HDLBP: variants seen among roughly 807,000 people sequenced by gnomAD.
HDLBP encodes the protein high density lipoprotein binding protein.
Under a neutral mutation model 137.3 loss-of-function variants are expected in HDLBP, and 30 were observed. That is an observed-to-expected ratio of 0.22 (90% CI 0.16 to 0.30). The LOEUF is 0.30. Ranked by LOEUF, HDLBP falls within the 10% of genes least tolerant of loss-of-function variation. HDLBP has a pLI of 1.00. For synonymous variants in HDLBP, 606 were observed against 596.0 expected, an observed-to-expected ratio of 1.02 and a Z score of -0.24; for missense variants, 1,119 against 1,667.3, an observed-to-expected ratio of 0.67 and a Z score of 5.73.
chr2:241,297,997 G>A (rs541259115), intron 1 of HDLBP, among the ~76,000 whole-genome samples: 7 of 135,258 alleles, frequency 5.2e-5, no homozygotes, highest in Admixed American at 2.5e-4. Flanking sequence ...GCAGTGAGCC[G>A]AGAGCTCGCT....
chr2:241,297,476 T>TA (rs1167953276), intron 1 of HDLBP, among the ~76,000 whole-genome samples: 1 of 152,110 alleles, frequency 6.6e-6, no homozygotes, highest in Non-Finnish European at 1.5e-5. Flanking sequence ...ATGGAGATAT[T>TA]AAAAAATGAG....
At chr2:241,270,552 C>T (rs1216640662) in intron 1 of HDLBP, among the ~76,000 whole-genome samples, 1 of 152,178 alleles carries the variant, frequency 6.6e-6, no homozygotes, top group African/African-American at 2.4e-5. Context: ...AGACCCTGTC[C>T]CCACCTGAAA....
intron 14 of HDLBP, chr2:241,247,401 A>T (rs1175010211): frequency 2.0e-6 from 1 of 490,540 alleles, no homozygotes; most frequent in Non-Finnish European, 3.7e-6. Context: ...AGAGCTGGTT[A>T]AGGAAGGGGC....
At chr2:241,248,967 C>A (rs748489950) in intron 12 of HDLBP, among the ~76,000 whole-genome samples, 2 of 152,078 alleles carry the variant, frequency 1.3e-5, no homozygotes, top group African/African-American at 4.8e-5. Flanking sequence ...CTGGATCAAA[C>A]GGCTATTGGC....
chr2:241,232,328 T>A (rs2069866047), intron 24 of HDLBP, among the ~76,000 whole-genome samples: 1 of 150,600 alleles, frequency 6.6e-6, no homozygotes, highest in African/African-American at 2.4e-5. Context: ...CAGGCTGGAG[T>A]GCAATGGCAT....
intron 1 of HDLBP, among the ~76,000 whole-genome samples, chr2:241,270,259 T>A (rs566054686): frequency 1.3e-5 from 2 of 152,114 alleles, no homozygotes; most frequent in African/African-American, 2.4e-5. Flanking sequence ...GAGCCTCTCA[T>A]GTTCCTCAGG....
chr2:241,269,903 T>G (rs894801546), intron 1 of HDLBP, among the ~76,000 whole-genome samples: 1 of 152,060 alleles, frequency 6.6e-6, no homozygotes, highest in Non-Finnish European at 1.5e-5. Context: ...CACGCTTGCT[T>G]GCTGACTCTC....
Position 241,230,684 on chromosome 2 carries a change from C to T in HDLBP, c.3474+75G>A. 1 of 1,303,288 alleles carries T rather than the reference C, an allele frequency of 7.7e-7. No homozygotes were observed. The highest frequency in any genetic ancestry group is 1.9e-5 in the Admixed American group (1 of 53,534). The allele number at this position is 1,303,288 out of a possible 1,614,324, so 80.7% of individuals were successfully genotyped here. On this transcript the variant is annotated intron_variant, in intron 25 of 27. Transcript: ENST00000310931. This position sits in a 1 kb window ranked among gnomAD's most constrained non-coding sequence, Gnocchi z 5.0. ...ATCATCTTGAGGGGAAGGCCATGCC[C>T]TGCTCTTTCTTCTGGCCAGCCAGGT...
At chr2:241,308,483 G>A (rs2075654046) in intron 1 of HDLBP, among the ~76,000 whole-genome samples, 2 of 152,224 alleles carry the variant, frequency 1.3e-5, no homozygotes, top group Admixed American at 1.3e-4. Flanking sequence ...GACAACGTAA[G>A]CTGATGACCT....
At chr2:241,299,984 T>TG (rs1163402285) in intron 1 of HDLBP, among the ~76,000 whole-genome samples, 1 of 152,210 alleles carries the variant, frequency 6.6e-6, no homozygotes, top group Non-Finnish European at 1.5e-5. Context: ...GAATGCACAT[T>TG]GCACCCAAAC....
intron 1 of HDLBP, among the ~76,000 whole-genome samples, chr2:241,299,566 C>T (rs191057621): frequency 3.2e-3 from 370 of 114,870 alleles, no homozygotes; most frequent in Middle Eastern, 5.4e-3. Flanking sequence ...TGGAAATAAA[C>T]ATCAATATAG....
intron 12 of HDLBP, chr2:241,249,274 C>A: frequency 4.3e-6 from 2 of 469,444 alleles, no homozygotes; most frequent in Non-Finnish European, 8.8e-6. Context: ...GGCCAAAGTG[C>A]TGCTGCAGGC....
rs181870672 is a variant in HDLBP at position 241,255,590 on chromosome 2, A to G, written c.874-10T>C. On this transcript the variant is annotated splice_polypyrimidine_tract_variant and intron_variant, in intron 7 of 27. Coordinates refer to ENST00000310931, the MANE Select transcript of HDLBP (RefSeq NM_005336.6). Reference sequence around the variant, plus strand: ...TTGTAGTCTTCTTTTTCTAAATAAGAGCACCATAAGGGGCAGTCAAAGGGA... The same window carrying G: ...TTGTAGTCTTCTTTTTCTAAATAAGGGCACCATAAGGGGCAGTCAAAGGGA... 3 of 1,608,310 alleles carry G rather than the reference A, an allele frequency of 1.9e-6. No homozygotes were observed. The Admixed American group carries it at 5.0e-5, about 27-fold the overall frequency.
In HDLBP at chr2:241,235,145, C is replaced by T; in HGVS notation, c.3120G>A (p.Glu1040=). The change falls in exon 23 of 28, where the codon GAG becomes GAA. Residue 1040 remains glutamate (E), a synonymous_variant. Coordinates refer to ENST00000310931, the MANE Select transcript of HDLBP (RefSeq NM_005336.6). ...CCCGGTCCTCCTGCTCGGCCTGTAG[C>T]TCCTTCACACGCTCCAGCAGTCCAG... ...AKAGLLERVK[E]LQAEQEDRAL... is the part of the protein sequence containing the mutation. The T allele has an allele frequency of 1.2e-6, 2 of 1,613,884 alleles. No homozygotes were observed. The highest frequency in any genetic ancestry group is 1.7e-6 in the Non-Finnish European group (2 of 1,179,990).
chr2:241,246,839 A>G lies in HDLBP; in HGVS notation c.1863T>C (p.Asn621=), dbSNP rs770193034. The change falls in exon 16 of 28, where the codon AAT becomes AAC. Residue 621 remains asparagine, a synonymous_variant. Transcript: ENST00000310931. ...SNTKIDLPAE[N]SNSETIIITG... ...TGATGATAATGGTCTCTGAATTGCT[A>G]TTCTCTGCTGGAAGGTCGATTTTGG... The G allele has an allele frequency of 4.3e-6, 7 of 1,614,140 alleles. No individual in the cohort carries two copies. In the Admixed American group the frequency reaches 8.3e-5, roughly 19 times the overall value.
At chr2:241,277,439 G>GA (rs1291817263) in intron 1 of HDLBP, among the ~76,000 whole-genome samples, 1 of 152,056 alleles carries the variant, frequency 6.6e-6, no homozygotes, top group Non-Finnish European at 1.5e-5. Flanking sequence ...AATGATTCCT[G>GA]AAAAAAGGAC....
rs936052438 is a variant in HDLBP at position 241,230,715 on chromosome 2, C to A, written c.3474+44G>T. 6.4e-7 allele frequency: 1 copy of A among 1,561,338 alleles called. No homozygotes were observed. The highest frequency in any genetic ancestry group is 1.4e-5 in the African/African-American group (1 of 73,924). On this transcript the variant is annotated intron_variant, in intron 25 of 27. Coordinates refer to ENST00000310931, the MANE Select transcript of HDLBP (RefSeq NM_005336.6). The surrounding 1 kb of genome is among the most constrained non-coding windows in gnomAD (Gnocchi z 5.0). ...TTTCTTCTGGCCAGCCAGGTGCCCC[C>A]GGTGAGAGAGGATTCTCACCCACTG...
intron 24 of HDLBP, chr2:241,231,283 C>A: frequency 5.5e-6 from 1 of 181,404 alleles, no homozygotes; most frequent in African/African-American, 2.4e-5. Context: ...ACTCCCGGGG[C>A]TGAGGCACGA....
chr2:241,232,225 C>T (rs115369318), intron 24 of HDLBP, among the ~76,000 whole-genome samples: 2,041 of 152,246 alleles, frequency 0.013, 27 homozygotes, highest in African/African-American at 0.034. Context: ...TGCTCCACCC[C>T]ACTTGGCTCA....
Sources: allele counts gnomAD v4.1 joint callset (sites outside exome capture counted in the v4.1 genomes callset), GRCh38; gene constraint gnomAD v4.1.1; non-coding constraint Gnocchi (gnomAD v3.1); transcripts MANE v1.5; gene names NCBI Gene and HGNC (gene_info 2026-07-23, HGNC 2026-07-21).